LARS1: variants seen among roughly 807,000 people sequenced by gnomAD.
LARS1 encodes the protein leucine--tRNA ligase, cytoplasmic.
In LARS1, 100 loss-of-function variants were observed where a neutral mutation model predicts 162.8. The ratio of observed to expected loss-of-function variants is 0.61; its 90% CI spans 0.52 to 0.73. LARS1 has a LOEUF of 0.73. LARS1 is among the 30% of genes least tolerant of loss of function. The pLI, the probability that LARS1 is intolerant of heterozygous loss-of-function variation, is 0.00. For missense variants in LARS1, 1,258 were observed against 1,408.9 expected, an observed-to-expected ratio of 0.89 and a Z score of 1.71; for synonymous variants, 457 against 462.8, an observed-to-expected ratio of 0.99 and a Z score of 0.16.
intron 6 of LARS1, among the ~76,000 whole-genome samples, chr5:146,161,440 G>A (rs897448496): frequency 2.0e-5 from 3 of 152,076 alleles, no homozygotes; most frequent in African/African-American, 7.2e-5. Context: ...TTTCAAAACT[G>A]GGAGTGGGCC....
chr5:146,164,247 C>A (rs1753902711), intron 6 of LARS1, 63 bp downstream of exon 6: 2 of 1,344,310 alleles, frequency 1.5e-6, no homozygotes, highest in Admixed American at 4.0e-5. Context: ...CACAATAAAG[C>A]AAAGCACAAT....
rs200109165 is a variant in LARS1 at position 146,157,545 on chromosome 5, C to T, written c.923G>A (p.Arg308His). The T allele has an allele frequency of 1.5e-4, 249 of 1,613,944 alleles. No individual in the cohort carries two copies. The East Asian group carries it at 3.5e-3, about 23-fold the overall frequency. Reference sequence around the variant, plus strand: ...AAATCCAATGTACTTCATATCAGGACGAACCCAACAATTTGTCTGCCCAAA... The same window carrying T: ...AAATCCAATGTACTTCATATCAGGATGAACCCAACAATTTGTCTGCCCAAA... ...TMFGQTNCWV[R>H]PDMKYIGFET... The change falls in exon 10 of 32, where the codon CGT becomes CAT. Residue 308 changes from arginine (R) to histidine (H), a missense_variant. Transcript: ENST00000394434.
intron 7 of LARS1, 62 bp from the exon 8 acceptor site, chr5:146,159,532 T>C: frequency 8.1e-7 from 1 of 1,238,252 alleles, no homozygotes; most frequent in Non-Finnish European, 1.2e-6. Context: ...CCTACCATAT[T>C]TGCCTGTGTT....
At chr5:146,149,498 C>T (rs754708891) in intron 15 of LARS1, 124 bp downstream of exon 15, 93 of 724,740 alleles carry the variant, frequency 1.3e-4, no homozygotes, top group South Asian at 1.9e-4. Flanking sequence ...TATTTTCTGC[C>T]GCAAAACTGT....
chr5:146,179,761 C>A, intron 1 of LARS1: 1 of 323,780 alleles, frequency 3.1e-6, no homozygotes, highest in South Asian at 2.2e-5. Context: ...ACCACCATAC[C>A]CAGATAGTTT....
intron 2 of LARS1, among the ~76,000 whole-genome samples, chr5:146,176,112 A>T (rs1754550246): frequency 6.6e-6 from 1 of 152,160 alleles, no homozygotes; most frequent in East Asian, 1.9e-4. Context: ...TGACTGTGCC[A>T]CTGCACTCCA....
At chr5:146,119,930 G>A (rs1751744128) in intron 31 of LARS1, among the ~76,000 whole-genome samples, 1 of 152,054 alleles carries the variant, frequency 6.6e-6, no homozygotes, top group African/African-American at 2.4e-5. Context: ...AACTGTAAAA[G>A]GATTAAATGG....
chr5:146,137,144 C>A (rs1425164072), intron 21 of LARS1, among the ~76,000 whole-genome samples: 1 of 152,176 alleles, frequency 6.6e-6, no homozygotes, highest in Admixed American at 6.5e-5. Flanking sequence ...GTGATCCACC[C>A]GCCTTGGCCT....
intron 20 of LARS1, 84 bp from the exon 21 acceptor site, chr5:146,140,345 G>GACTC: frequency 9.9e-7 from 1 of 1,006,714 alleles, no homozygotes; most frequent in Non-Finnish European, 1.6e-6. Context: ...AAAGCTAATA[G>GACTC]ACTCATAAAG....
At chr5:146,165,259 G>A (rs1414553960) in intron 5 of LARS1, among the ~76,000 whole-genome samples, 1 of 152,142 alleles carries the variant, frequency 6.6e-6, no homozygotes, top group East Asian at 1.9e-4. Flanking sequence ...ACTTGAACCG[G>A]GAGGCGGAGG....
At chr5:146,134,285 C>T (rs1233301975) in intron 22 of LARS1, among the ~76,000 whole-genome samples, 1 of 152,204 alleles carries the variant, frequency 6.6e-6, no homozygotes, top group Non-Finnish European at 1.5e-5. Flanking sequence ...TGATAGTGAG[C>T]TCTGTGAGGC....
chr5:146,143,032 G>C lies in LARS1; in HGVS notation c.1930C>G (p.Pro644Ala), dbSNP rs778977626. The change falls in exon 20 of 32, where the codon CCA (proline) becomes GCA (alanine). Residue 644 changes from proline to alanine, a missense_variant. By Grantham distance (27) the Pro-to-Ala change is conservative. Transcript: ENST00000394434. ...VWDYVFFKEA[P>A]FPKTQIAKEK... The stretch of plus-strand genomic sequence containing the variant: ...TTTGCAATCTGAGTCTTAGGAAATG[G>C]AGCCTCCTTGAAGAAAACATAATCC... 5 of 1,613,770 alleles carry C rather than the reference G, an allele frequency of 3.1e-6. No individual in the cohort carries two copies. The African/African-American group carries it at 5.3e-5, about 17-fold the overall frequency.
At chr5:146,179,694 G>T (rs1304316010) in intron 1 of LARS1, 3 of 440,024 alleles carry the variant, frequency 6.8e-6, no homozygotes, top group Non-Finnish European at 1.4e-5. Flanking sequence ...TGACCTACTG[G>T]GCTCAATCAA....
Position 146,153,824 on chromosome 5 carries a change from G to A in LARS1, c.1154-14C>T, listed in dbSNP as rs757280818. The A allele has an allele frequency of 3.3e-5, 53 of 1,613,302 alleles. 1 individual carries two copies. The South Asian group carries it at 5.8e-4, about 18-fold the overall frequency. ...CCACACCAGTGCCTTAGAAAACAAA[G>A]TGTGGAATTAATAACTAGAACCAAA... On this transcript the variant is annotated splice_polypyrimidine_tract_variant and intron_variant, in intron 11 of 31. Coordinates refer to ENST00000394434, the MANE Select transcript of LARS1 (RefSeq NM_020117.11).
chr5:146,177,281 A>G, intron 2 of LARS1, among the ~76,000 whole-genome samples: 1 of 151,688 alleles, frequency 6.6e-6, no homozygotes, highest in Admixed American at 6.6e-5. Flanking sequence ...CCTGGCTAAC[A>G]CAGTGAAACA....
chr5:146,143,050 CAT>C lies in LARS1; in HGVS notation c.1910_1911del (p.Tyr637CysfsTer10), dbSNP rs1161365819. Reference sequence around the variant, plus strand: ...GGAAATGGAGCCTCCTTGAAGAAAACATAATCCCAAACTTCCTTGGTCATCTG... The same window carrying C: ...GGAAATGGAGCCTCCTTGAAGAAAACAATCCCAAACTTCCTTGGTCATCTG... ...PQQMTKEVWD[Y>X]VFFKEAPFPK... On this transcript the variant is annotated frameshift_variant, in exon 20 of 32. Coordinates refer to ENST00000394434, the MANE Select transcript of LARS1 (RefSeq NM_020117.11). LOFTEE classifies it high-confidence loss of function. The C allele has an allele frequency of 1.2e-6, 2 of 1,613,594 alleles. No individual in the cohort carries two copies. Among genetic ancestry groups the C allele is most frequent in the African/African-American group, 1.3e-5 (1 of 74,888 alleles).
At chr5:146,139,158 A>G (rs921142131) in intron 21 of LARS1, 17 of 193,234 alleles carry the variant, frequency 8.8e-5, no homozygotes, top group Non-Finnish European at 1.8e-4. Flanking sequence ...CCTGGCCAAC[A>G]TGGCGAAACC....
chr5:146,140,357 C>T, intron 20 of LARS1, 96 bp from the exon 21 acceptor site: 1 of 910,370 alleles, frequency 1.1e-6, no homozygotes, highest in Non-Finnish European at 1.8e-6. Flanking sequence ...CTCATAAAGG[C>T]TTGCTAAGAT....
At chr5:146,131,184 A>G in intron 23 of LARS1, 75 bp from the exon 24 acceptor site, 1 of 596,568 alleles carries the variant, frequency 1.7e-6, no homozygotes, top group Non-Finnish European at 2.8e-6. Context: ...TGCTGCATAC[A>G]CAAATTTAAA....
Sources: allele counts gnomAD v4.1 joint callset (sites outside exome capture counted in the v4.1 genomes callset), GRCh38; gene constraint gnomAD v4.1.1; transcripts MANE v1.5; gene names NCBI Gene and HGNC (gene_info 2026-07-23, HGNC 2026-07-21).